The following SLC12A4 variants were observed in gnomAD, a reference collection of about 807,000 sequenced individuals.
SLC12A4 encodes solute carrier family 12 member 4.
SLC12A4 carries 84 observed loss-of-function variants against 119.2 expected under a neutral mutation model. The observed-to-expected ratio is 0.70, with a 90% confidence interval of 0.59 to 0.85. The LOEUF is 0.85. Ranked by LOEUF, SLC12A4 falls within the 40% of genes least tolerant of loss-of-function variation. The pLI, the probability that SLC12A4 is intolerant of heterozygous loss-of-function variation, is 0.00. For synonymous variants in SLC12A4, 599 were observed against 604.6 expected, an observed-to-expected ratio of 0.99 and a Z score of 0.14; for missense variants, 1,298 against 1,476.3, an observed-to-expected ratio of 0.88 and a Z score of 1.98.
Position 67,946,028 on chromosome 16 carries a change from T to C in SLC12A4, c.2662A>G (p.Ser888Gly), listed in dbSNP as rs2058341727. ...IFTVAQMDDN[S>G]IQMKKDLAVF... is the part of the protein sequence containing the mutation. ...GCCAGGTCCTTCTTCATCTGGATGC[T>C]GTTGTCATCCATCTGGGCCACTGTG... is the stretch of plus-strand genomic sequence containing the variant. The change falls in exon 20 of 24, where the codon AGC becomes GGC. Residue 888 changes from serine to glycine, a missense_variant. Transcript: ENST00000316341. 1 of 1,614,046 alleles carries C rather than the reference T, an allele frequency of 6.2e-7. No individual in the cohort carries two copies. The highest frequency in any genetic ancestry group is 8.5e-7 in the Non-Finnish European group (1 of 1,180,008).
chr16:67,944,139 G>T lies in SLC12A4; in HGVS notation c.*701C>A. 2.6e-6 allele frequency: 4 copies of T among 1,541,920 alleles called. No homozygotes were observed. Among genetic ancestry groups the T allele is most frequent in the Non-Finnish European group, 3.5e-6 (4 of 1,141,848 alleles). ...GCCTACTGCCAGAGAAAGCGGCACT[G>T]GGCTGTCCTTATCTGGTGTGGGAGT... On this transcript the variant is annotated 3_prime_UTR_variant, in exon 24 of 24. Coordinates refer to ENST00000316341, the MANE Select transcript of SLC12A4 (RefSeq NM_005072.5). This position sits in a 1 kb window ranked among gnomAD's most constrained non-coding sequence, Gnocchi z 6.6.
Position 67,951,607 on chromosome 16 carries a change from G to C in SLC12A4, c.1132+216C>G. The C allele has an allele frequency of 1.6e-6, 1 of 613,548 alleles. No homozygotes were observed. The highest frequency in any genetic ancestry group is 2.9e-6 in the Non-Finnish European group (1 of 349,636). The allele number at this position is 613,548 out of a possible 1,614,324, so 38.0% of individuals were successfully genotyped here. A position where few individuals can be genotyped will look rare whatever the true frequency, so the allele number is the denominator to read the frequency against. On this transcript the variant is annotated intron_variant, in intron 8 of 23. Transcript: ENST00000316341. This position sits in a 1 kb window ranked among gnomAD's most constrained non-coding sequence, Gnocchi z 5.2. ...GGCAGTGTCAGGGGCTGGTGGCTGGGGAAGACAGGCTGCTGCAGGCCTTGG... is the reference window on the plus strand; with the variant it reads ...GGCAGTGTCAGGGGCTGGTGGCTGGCGAAGACAGGCTGCTGCAGGCCTTGG...
At chr16:67,954,862 G>A (rs933554091) in intron 5 of SLC12A4, 89 bp from the exon 6 acceptor site, 28 of 1,518,004 alleles carry the variant, frequency 1.8e-5, no homozygotes, top group Non-Finnish European at 2.4e-5. Context: ...ACCACCCAGA[G>A]GGACAGGGAC....
Position 67,950,016 on chromosome 16 carries a change from T to G in SLC12A4, c.1630-98A>C. 1 of 973,616 alleles carries G rather than the reference T, an allele frequency of 1.0e-6. No homozygotes were observed. The highest frequency in any genetic ancestry group is 2.2e-5 in the Admixed American group (1 of 45,670). The allele number at this position is 973,616 out of a possible 1,614,324, so 60.3% of individuals were successfully genotyped here. A position where few individuals can be genotyped will look rare whatever the true frequency, so the allele number is the denominator to read the frequency against. On this transcript the variant is annotated intron_variant, in intron 12 of 23. Coordinates refer to ENST00000316341, the MANE Select transcript of SLC12A4 (RefSeq NM_005072.5). The surrounding 1 kb of genome is among the most constrained non-coding windows in gnomAD (Gnocchi z 4.3). ...CCTCCCTCACCCCCAGGGCCCGCCT[T>G]GGGGGCTCAGGCCGCCCCTGTGTCT...
At chr16:67,953,088 A>T (rs1303472605) in intron 6 of SLC12A4, among the ~76,000 whole-genome samples, 1 of 151,442 alleles carries the variant, frequency 6.6e-6, no homozygotes, top group East Asian at 2.0e-4. Flanking sequence ...ACAGAGTGAG[A>T]CCTTGTCTCA....
chr16:67,957,512 CCT>C, intron 5 of SLC12A4: 1 of 576,824 alleles, frequency 1.7e-6, no homozygotes, highest in Non-Finnish European at 3.1e-6. Context: ...CATACATTGC[CCT>C]TTTTTTTTCT....
At chr16:67,956,273 T>C (rs1275274466) in intron 5 of SLC12A4, among the ~76,000 whole-genome samples, 1 of 152,204 alleles carries the variant, frequency 6.6e-6, no homozygotes, top group Non-Finnish European at 1.5e-5. Context: ...TGAACAAAGA[T>C]TCATGTTCAA....
intron 13 of SLC12A4, 63 bp from the exon 14 acceptor site, chr16:67,948,222 G>T: frequency 6.6e-7 from 1 of 1,521,710 alleles, no homozygotes. Context: ...CTGATGTCAG[G>T]CTGGGCCTGG....
Position 67,960,404 on chromosome 16 carries a change from G to A in SLC12A4, c.342+1171C>T, listed in dbSNP as rs375583591. Among the ~76,000 whole-genome samples, 253 of 152,212 alleles carry A rather than the reference G, an allele frequency of 1.7e-3. 2 individuals carry two copies. In the Middle Eastern group the frequency reaches 0.031, roughly 18 times the overall value. On this transcript the variant is annotated intron_variant, in intron 3 of 23. Transcript: ENST00000316341. ...CACAGGGTCAGGGTCAGGTCTGTGCGACCTCAAGGTATCAGCTGCCCTCTC... is the reference window on the plus strand; with the variant it reads ...CACAGGGTCAGGGTCAGGTCTGTGCAACCTCAAGGTATCAGCTGCCCTCTC...
In SLC12A4 at chr16:67,943,734, C is replaced by G. The variant is rs926619618; in HGVS notation, c.*1106G>C. 3 of 583,334 alleles carry G rather than the reference C, an allele frequency of 5.1e-6. No individual in the cohort carries two copies. In the African/African-American group the frequency reaches 5.6e-5, roughly 11 times the overall value. 36.1% of individuals were successfully genotyped at this position (583,334 alleles called of 1,614,324 possible). A position where few individuals can be genotyped will look rare whatever the true frequency, so the allele number is the denominator to read the frequency against. On this transcript the variant is annotated 3_prime_UTR_variant, in exon 24 of 24. Coordinates refer to ENST00000316341, the MANE Select transcript of SLC12A4 (RefSeq NM_005072.5). The surrounding 1 kb of genome is among the most constrained non-coding windows in gnomAD (Gnocchi z 4.6). ...GCACACCCCGTCCCCCACTCCGCCC[C>G]CCCTGGGTTAGACAACTGAGAGTCA...
chr16:67,960,512 C>T (rs1014559329), intron 3 of SLC12A4, among the ~76,000 whole-genome samples: 1 of 151,642 alleles, frequency 6.6e-6, no homozygotes, highest in African/African-American at 2.4e-5. Context: ...CTGGCCCCAC[C>T]CCAGAAAGGC....
At position 67,963,516 on chromosome 16, in the gene SLC12A4, C is replaced by G; in HGVS notation, c.159G>C (p.Leu53Phe). The change falls in exon 2 of 24, where the codon TTG (leucine) becomes TTC (phenylalanine). Residue 53 changes from leucine to phenylalanine, a missense_variant. By Grantham distance (22) the Leu-to-Phe change is conservative. Coordinates refer to ENST00000316341, the MANE Select transcript of SLC12A4 (RefSeq NM_005072.5). ...HRESSPFLSP[L>F]EASRGIDYYD... ...AGTAGTCAATTCCTCTGGAAGCCTC[C>G]AAGGGGGAAAGAAAAGGGCTGCTCT... 5.0e-6 allele frequency: 8 copies of G among 1,586,126 alleles called. No individual in the cohort carries two copies. The highest frequency in any genetic ancestry group is 6.8e-6 in the Non-Finnish European group (8 of 1,171,810).
At chr16:67,955,043 G>A (rs2030174065) in intron 5 of SLC12A4, among the ~76,000 whole-genome samples, 1 of 152,204 alleles carries the variant, frequency 6.6e-6, no homozygotes, top group South Asian at 2.1e-4. Flanking sequence ...AGCAGTGGCT[G>A]ACTGGCCACC....
Position 67,968,469 on chromosome 16 carries a change from C to G in SLC12A4, c.85G>C (p.Gly29Arg), listed in dbSNP as rs773635160. The change falls in exon 1 of 24, where the codon GGG (glycine) becomes CGG (arginine). Residue 29 changes from glycine to arginine, a missense_variant. By Grantham distance (125) the Gly-to-Arg change is moderately radical (BLOSUM62 -2). Transcript: ENST00000316341. ...NLEGLSWVDY[G>R]ERAELDDSDG... Reference sequence around the variant, plus strand: ...GAGTCATCCAGCTCGGCGCGCTCCCCGTAGTCCACCCAACTGAGCCCCTCG... The same window carrying G: ...GAGTCATCCAGCTCGGCGCGCTCCCGGTAGTCCACCCAACTGAGCCCCTCG... 4.4e-6 allele frequency: 7 copies of G among 1,583,934 alleles called. No individual in the cohort carries two copies. The highest frequency in any genetic ancestry group is 1.1e-5 in the South Asian group (1 of 88,366).
Position 67,950,917 on chromosome 16 carries a change from C to T in SLC12A4, c.1396+45G>A, listed in dbSNP as rs1284844328. Reference sequence around the variant, plus strand: ...CCTGGCAACGTACACAGGCCAAGCGCTTCCCGTCCTCTGCCCCACCTGCCC... The same window carrying T: ...CCTGGCAACGTACACAGGCCAAGCGTTTCCCGTCCTCTGCCCCACCTGCCC... On this transcript the variant is annotated intron_variant, in intron 10 of 23. Transcript: ENST00000316341. This position sits in a 1 kb window ranked among gnomAD's most constrained non-coding sequence, Gnocchi z 4.3. The T allele has an allele frequency of 3.8e-6, 6 of 1,596,828 alleles. No homozygotes were observed. In the African/African-American group the frequency reaches 4.0e-5, roughly 11 times the overall value.
chr16:67,960,323 G>A (rs570080888), intron 3 of SLC12A4, among the ~76,000 whole-genome samples: 3 of 152,306 alleles, frequency 2.0e-5, no homozygotes, highest in African/African-American at 4.8e-5. Flanking sequence ...CTGCAGTGCT[G>A]GACAGACATG....
Position 67,949,886 on chromosome 16 carries a change from G to A in SLC12A4, c.1662C>T (p.Pro554=). The A allele has an allele frequency of 6.2e-7, 1 of 1,611,430 alleles. No homozygotes were observed. Among genetic ancestry groups the A allele is most frequent in the Non-Finnish European group, 8.5e-7 (1 of 1,178,930 alleles). The change falls in exon 13 of 24, where the codon CCC becomes CCT. Residue 554 remains proline (P), a synonymous_variant. Transcript: ENST00000316341. This position sits in a 1 kb window ranked among gnomAD's most constrained non-coding sequence, Gnocchi z 4.6. The part of the protein sequence containing the change: ...VFGHGKVNGE[P]TWALLLTALI... Reference sequence around the variant, plus strand: ...GTGCCGTCAGGAGGAGTGCCCATGTGGGTTCACCATTCACCTTCCCGTGGC... The same window carrying A: ...GTGCCGTCAGGAGGAGTGCCCATGTAGGTTCACCATTCACCTTCCCGTGGC...
Position 67,960,873 on chromosome 16 carries a change from G to A in SLC12A4, c.342+702C>T, listed in dbSNP as rs143888876. On this transcript the variant is annotated intron_variant, in intron 3 of 23. Transcript: ENST00000316341. ...GGAAAGCCCCACAAGGCAGCATCAG[G>A]CTCCGATCACATACACATGTCCCCT... Among the ~76,000 whole-genome samples the A allele has an allele frequency of 2.2e-4, 33 of 151,954 alleles. No individual in the cohort carries two copies. The East Asian group carries it at 6.2e-3, about 29-fold the overall frequency.
In SLC12A4 at chr16:67,968,607, C is replaced by T. The variant is rs753312596; in HGVS notation, c.-54G>A. ...CGTCCCAGCCGCCCGCCGCTGTCCCCGCCGCTGTCCCCGCCGCCCCGGGCC... is the reference window on the plus strand; with the variant it reads ...CGTCCCAGCCGCCCGCCGCTGTCCCTGCCGCTGTCCCCGCCGCCCCGGGCC... On this transcript the variant is annotated 5_prime_UTR_variant, in exon 1 of 24. Coordinates refer to ENST00000316341, the MANE Select transcript of SLC12A4 (RefSeq NM_005072.5). 1.4e-6 allele frequency: 2 copies of T among 1,399,428 alleles called. No individual in the cohort carries two copies. The highest frequency in any genetic ancestry group is 1.9e-6 in the Non-Finnish European group (2 of 1,079,928). 86.7% of individuals were successfully genotyped at this position (1,399,428 alleles called of 1,614,324 possible).
Sources: gnomAD v4.1 joint callset for allele counts (sites outside exome capture counted in the v4.1 genomes callset) on GRCh38, gnomAD v4.1.1 for gene constraint, Gnocchi (gnomAD v3.1) non-coding constraint, MANE v1.5 for transcripts, NCBI Gene and HGNC (gene_info 2026-07-23, HGNC 2026-07-21) for gene names.